The following EEA1 variants were observed in gnomAD, a reference collection of about 807,000 sequenced individuals.
The protein encoded by EEA1 is early endosome antigen 1.
In EEA1, 111 loss-of-function variants were observed where a neutral mutation model predicts 209.2. The observed-to-expected ratio is 0.53, with a 90% CI of 0.45 to 0.62. The LOEUF is 0.62. Ranked by LOEUF, EEA1 falls within the 20% of genes least tolerant of loss-of-function variation. EEA1 has a pLI of 0.00. For synonymous variants in EEA1, 536 were observed against 540.6 expected (o/e 0.99, Z 0.12); for missense variants, 1,343 against 1,530.8 (o/e 0.88, Z 2.05).
intron 1 of EEA1, among the ~76,000 whole-genome samples, chr12:92,927,319 C>A (rs1451698385): frequency 6.6e-6 from 1 of 152,156 alleles, no homozygotes; most frequent in Non-Finnish European, 1.5e-5. Flanking sequence ...GCCAATAGCG[C>A]CGACGTTAAG....
intron 13 of EEA1, among the ~76,000 whole-genome samples, chr12:92,825,478 GAATTAA>G (rs1259952726): frequency 6.6e-6 from 1 of 150,512 alleles, no homozygotes; most frequent in Non-Finnish European, 1.5e-5. Context: ...AAAAAAGAAT[GAATTAA>G]AAAATATCAA....
chr12:92,906,088 CTTTTCT>C (rs1163717339), intron 1 of EEA1, among the ~76,000 whole-genome samples: 10 of 139,164 alleles, frequency 7.2e-5, no homozygotes, highest in Non-Finnish European at 1.4e-4. Context: ...CTTTTCTTTT[CTTTTCT>C]TTTTTTTTTT....
rs3839964 is a variant in EEA1 at position 92,774,506 on chromosome 12, ACTT to A, written c.*1502_*1504del. 55 of 151,814 alleles carry A rather than the reference ACTT, an allele frequency of 3.6e-4. No homozygotes were observed. The East Asian group carries it at 9.2e-3, about 26-fold the overall frequency. 9.4% of individuals were successfully genotyped at this position (151,814 alleles called of 1,614,324 possible). ...TTGCACTGAATGAATGTATAACTAC[ACTT>A]CTTCTCTAGAAAGATTAATAAACCA... On this transcript the variant is annotated 3_prime_UTR_variant, in exon 29 of 29. Coordinates refer to ENST00000322349, the MANE Select transcript of EEA1 (RefSeq NM_003566.4).
At chr12:92,873,307 A>C (rs1262095334) in intron 2 of EEA1, among the ~76,000 whole-genome samples, 1 of 152,230 alleles carries the variant, frequency 6.6e-6, no homozygotes, top group Non-Finnish European at 1.5e-5. Context: ...GGAAAGACTG[A>C]GAGACTAGAT....
At position 92,884,660 on chromosome 12, in the gene EEA1, G is replaced by T. The variant is rs182751399; in HGVS notation, c.117+6969C>A. On this transcript the variant is annotated intron_variant, in intron 2 of 28. Transcript: ENST00000322349. ...ACCATGAAACCAAGGTGGCTATGGT[G>T]GTTCCAGTAGCAGCAGTAGCTATGG... 1.3e-3 allele frequency: 1,611 copies of T among 1,283,198 alleles called. 15 individuals carry two copies. The African/African-American group carries it at 0.021, about 17-fold the overall frequency. 79.5% of individuals were successfully genotyped at this position (1,283,198 alleles called of 1,614,324 possible).
intron 22 of EEA1, 82 bp from the exon 23 acceptor site, chr12:92,782,217 A>AGAAAGC: frequency 8.7e-7 from 1 of 1,144,780 alleles, no homozygotes; most frequent in Non-Finnish European, 1.2e-6. Flanking sequence ...TAAACATTGT[A>AGAAAGC]GAAAGCAATA....
intron 2 of EEA1, among the ~76,000 whole-genome samples, chr12:92,870,302 A>G (rs1040020759): frequency 6.6e-6 from 1 of 152,184 alleles, no homozygotes; most frequent in Non-Finnish European, 1.5e-5. Context: ...ATTATTTTAT[A>G]AGATTTATAA....
At chr12:92,900,185 C>T (rs1377690894) in intron 1 of EEA1, among the ~76,000 whole-genome samples, 3 of 152,130 alleles carry the variant, frequency 2.0e-5, no homozygotes, top group Non-Finnish European at 4.4e-5. Flanking sequence ...TGACTGTTTC[C>T]AATGACGTAT....
chr12:92,826,714 CAA>C (rs1210921584), intron 12 of EEA1, among the ~76,000 whole-genome samples: 6 of 57,108 alleles, frequency 1.1e-4, no homozygotes, highest in South Asian at 1.2e-3. Context: ...GACTCCGTCT[CAA>C]AAAAAAAAAA....
At chr12:92,827,202 T>C (rs7969888) in intron 12 of EEA1, among the ~76,000 whole-genome samples, 140,872 of 152,126 alleles carry the variant, frequency 0.93, 65,312 homozygotes, top group East Asian at 1. Flanking sequence ...CCAAAAAATA[T>C]AAATATTAGC....
At chr12:92,802,939 T>C (rs1874998149) in intron 18 of EEA1, among the ~76,000 whole-genome samples, 1 of 152,068 alleles carries the variant, frequency 6.6e-6, no homozygotes, top group Admixed American at 6.5e-5. Context: ...TAGATTATTT[T>C]TCCCAAGTCA....
chr12:92,869,446 T>G (rs2136728601), intron 2 of EEA1, among the ~76,000 whole-genome samples: 1 of 151,954 alleles, frequency 6.6e-6, no homozygotes, highest in East Asian at 1.9e-4. Flanking sequence ...TCCTTTTAGT[T>G]AAAAGAAAAA....
intron 23 of EEA1, among the ~76,000 whole-genome samples, chr12:92,780,868 G>T (rs908549493): frequency 6.6e-6 from 1 of 152,100 alleles, no homozygotes; most frequent in South Asian, 2.1e-4. Flanking sequence ...AAGCAAGTCT[G>T]TATGATCTAA....
At chr12:92,808,006 T>C (rs1875296218) in intron 18 of EEA1, among the ~76,000 whole-genome samples, 1 of 152,160 alleles carries the variant, frequency 6.6e-6, no homozygotes, top group South Asian at 2.1e-4. Context: ...ATATCTAATA[T>C]CATAAAGCTA....
chr12:92,833,234 G>A (rs1434079991), intron 10 of EEA1, among the ~76,000 whole-genome samples: 5 of 152,106 alleles, frequency 3.3e-5, no homozygotes, highest in African/African-American at 1.2e-4. Flanking sequence ...ATTTTTCACT[G>A]TGCAATTTCA....
chr12:92,782,222 G>A, intron 22 of EEA1, 87 bp from the exon 23 acceptor site: 1 of 1,078,320 alleles, frequency 9.3e-7, no homozygotes, highest in Non-Finnish European at 1.3e-6. Context: ...ATTGTAGAAA[G>A]CAATAAACTA....
chr12:92,886,028 G>A (rs945266688), intron 2 of EEA1, among the ~76,000 whole-genome samples: 7 of 151,932 alleles, frequency 4.6e-5, no homozygotes, highest in African/African-American at 1.7e-4. Context: ...CCAACAGAAA[G>A]AACTGGCAAC....
At chr12:92,831,471 T>C (rs1241074407) in intron 11 of EEA1, among the ~76,000 whole-genome samples, 1 of 149,166 alleles carries the variant, frequency 6.7e-6, no homozygotes, top group African/African-American at 2.4e-5. Context: ...ATGAGCTATA[T>C]AGGTAAATAA....
At chr12:92,872,047 ATTTT>A (rs56671465) in intron 2 of EEA1, among the ~76,000 whole-genome samples, 1 of 132,586 alleles carries the variant, frequency 7.5e-6, no homozygotes. Context: ...GGCCCAGCTA[ATTTT>A]TTTTTTTTTT....
Sources: gnomAD v4.1 joint callset for allele counts (sites outside exome capture counted in the v4.1 genomes callset) on GRCh38, gnomAD v4.1.1 for gene constraint, MANE v1.5 for transcripts, NCBI Gene and HGNC (gene_info 2026-07-23, HGNC 2026-07-21) for gene names.